TSG101: variants seen among roughly 807,000 people sequenced by gnomAD.
The protein encoded by TSG101 is tumor susceptibility gene 101 protein.
Under a neutral mutation model 48.5 loss-of-function variants are expected in TSG101, and 19 were observed. The observed-to-expected ratio is 0.39, with a 90% CI of 0.27 to 0.58. The LOEUF (loss-of-function observed/expected upper bound fraction) is 0.58. Among genes scored for constraint, TSG101 ranks in the 20% least tolerant of loss-of-function variants. TSG101 has a pLI of 0.55. For missense variants in TSG101, 365 were observed against 484.4 expected, an observed-to-expected ratio of 0.75 and a Z score of 2.31; for synonymous variants, 174 against 169.4, an observed-to-expected ratio of 1.03 and a Z score of -0.21.
chr11:18,517,855 T>C (rs1850205741), intron 2 of TSG101, among the ~76,000 whole-genome samples: 1 of 152,246 alleles, frequency 6.6e-6, no homozygotes, highest in South Asian at 2.1e-4. Flanking sequence ...TGTTGACGAA[T>C]GTAAGCTATA....
intron 7 of TSG101, among the ~76,000 whole-genome samples, chr11:18,501,046 G>A (rs1221874384): frequency 2.0e-5 from 3 of 152,158 alleles, no homozygotes; most frequent in African/African-American, 7.2e-5. Flanking sequence ...CACCTCAAAT[G>A]ATTCGCCCGC....
At chr11:18,500,640 T>C (rs1171467488) in intron 7 of TSG101, among the ~76,000 whole-genome samples, 1 of 152,176 alleles carries the variant, frequency 6.6e-6, no homozygotes, top group Non-Finnish European at 1.5e-5. Flanking sequence ...CTTTAAGAAA[T>C]GTCTATTCAT....
intron 8 of TSG101, among the ~76,000 whole-genome samples, chr11:18,482,816 T>A (rs1221085379): frequency 6.6e-6 from 1 of 152,250 alleles, no homozygotes; most frequent in African/African-American, 2.4e-5. Flanking sequence ...CTTTTAAGTC[T>A]GCTCCTAAGA....
chr11:18,526,811 C>A lies in TSG101; in HGVS notation c.6G>T (p.Ala2=). M[A]VSESQLKKMV... is the part of the protein sequence containing the mutation. ...TTTTCTTGAGCTGGCTCTCCGACAC[C>A]GCCATGACGGCCGCCTGGCGACTCC... The change falls in exon 1 of 10, where the codon GCG becomes GCT. Residue 2 remains alanine (A), a synonymous_variant. Coordinates refer to ENST00000251968, the MANE Select transcript of TSG101 (RefSeq NM_006292.4). 6.2e-7 allele frequency: 1 copy of A among 1,603,054 alleles called. No individual in the cohort carries two copies.
At chr11:18,485,425 T>C (rs1849606336) in intron 7 of TSG101, among the ~76,000 whole-genome samples, 1 of 152,180 alleles carries the variant, frequency 6.6e-6, no homozygotes, top group Non-Finnish European at 1.5e-5. Flanking sequence ...GCAGCCTAAA[T>C]ACTAAATGTT....
chr11:18,492,088 CATG>C (rs1346973927), intron 7 of TSG101, among the ~76,000 whole-genome samples: 2 of 152,176 alleles, frequency 1.3e-5, no homozygotes, highest in Non-Finnish European at 2.9e-5. Context: ...AAGGATGATT[CATG>C]ATATGATGAC....
At chr11:18,525,770 T>C in intron 1 of TSG101, 3 of 746,652 alleles carry the variant, frequency 4.0e-6, no homozygotes, top group Non-Finnish European at 4.9e-6. Context: ...AACCAATATA[T>C]GCTTTATTTT....
intron 1 of TSG101, among the ~76,000 whole-genome samples, chr11:18,522,526 C>A (rs1001939025): frequency 6.6e-6 from 1 of 152,222 alleles, no homozygotes; most frequent in Non-Finnish European, 1.5e-5. Context: ...GTCTAAGCCA[C>A]CAGCACCTCT....
chr11:18,496,455 A>C (rs77370735), intron 7 of TSG101, among the ~76,000 whole-genome samples: 2,070 of 83,056 alleles, frequency 0.025, 57 homozygotes, highest in East Asian at 0.15. Flanking sequence ...AATAAAATAA[A>C]ATAAAATAAA....
intron 6 of TSG101, among the ~76,000 whole-genome samples, chr11:18,506,294 T>C (rs1849970549): frequency 6.6e-6 from 1 of 151,836 alleles, no homozygotes; most frequent in African/African-American, 2.4e-5. Context: ...TTTTAAGAAA[T>C]TTGTATATCT....
intron 2 of TSG101, among the ~76,000 whole-genome samples, chr11:18,516,954 CAAAAA>C (rs964724752): frequency 6.6e-6 from 1 of 152,018 alleles, no homozygotes; most frequent in Non-Finnish European, 1.5e-5. Context: ...AACAAACAAA[CAAAAA>C]AACACTATCA....
intron 7 of TSG101, 97 bp downstream of exon 7, chr11:18,502,385 GAAGA>G: frequency 1.2e-6 from 1 of 865,596 alleles, no homozygotes; most frequent in Non-Finnish European, 1.8e-6. Flanking sequence ...TTTCCTCTAA[GAAGA>G]AAGAGTAGTC....
Position 18,526,911 on chromosome 11 carries a change from G to T in TSG101, c.-95C>A, listed in dbSNP as rs888727555. On this transcript the variant is annotated 5_prime_UTR_variant, in exon 1 of 10. Transcript: ENST00000251968. ...CCACACAATCGCACACCCCCAACCC[G>T]GCCTCAAACAACAGGAAGTCGGCAC... The T allele has an allele frequency of 1.5e-5, 21 of 1,391,072 alleles. No homozygotes were observed. The highest frequency in any genetic ancestry group is 2.0e-5 in the Non-Finnish European group (20 of 1,022,904). The allele number at this position is 1,391,072 out of a possible 1,614,324, so 86.2% of individuals were successfully genotyped here.
chr11:18,499,867 T>C (rs1259900536), intron 7 of TSG101, among the ~76,000 whole-genome samples: 1 of 152,134 alleles, frequency 6.6e-6, no homozygotes, highest in Non-Finnish European at 1.5e-5. Flanking sequence ...ACATTTTAAG[T>C]CTTCTAGCTA....
At chr11:18,487,662 G>A (rs934870552) in intron 7 of TSG101, among the ~76,000 whole-genome samples, 1 of 151,986 alleles carries the variant, frequency 6.6e-6, no homozygotes, top group East Asian at 1.9e-4. Context: ...CACTGTGCCT[G>A]GCATCCCACC....
At chr11:18,520,131 T>C (rs778293241) in intron 1 of TSG101, among the ~76,000 whole-genome samples, 1 of 152,250 alleles carries the variant, frequency 6.6e-6, no homozygotes, top group Non-Finnish European at 1.5e-5. Context: ...TCTACAGATT[T>C]GCTTATTCAT....
chr11:18,524,407 G>C (rs1272897178), intron 1 of TSG101, among the ~76,000 whole-genome samples: 1 of 152,184 alleles, frequency 6.6e-6, no homozygotes, highest in Non-Finnish European at 1.5e-5. Context: ...ATCAGATAAA[G>C]AGAAAACAAT....
At chr11:18,503,647 C>T (rs1481021962) in intron 6 of TSG101, among the ~76,000 whole-genome samples, 1 of 152,122 alleles carries the variant, frequency 6.6e-6, no homozygotes, top group Non-Finnish European at 1.5e-5. Flanking sequence ...GCTGGGATTA[C>T]AGCTGTGAGC....
chr11:18,484,935 CTTTTTTTT>C (rs529154247), intron 7 of TSG101, among the ~76,000 whole-genome samples: 1 of 108,018 alleles, frequency 9.3e-6, no homozygotes, highest in Non-Finnish European at 1.7e-5. Flanking sequence ...TAATTGCCGC[CTTTTTTTT>C]TTTTTTTTTT....
Sources: allele counts gnomAD v4.1 joint callset (sites outside exome capture counted in the v4.1 genomes callset), GRCh38; gene constraint gnomAD v4.1.1; transcripts MANE v1.5; gene names NCBI Gene and HGNC (gene_info 2026-07-23, HGNC 2026-07-21).